The following GRTP1 variants were observed in gnomAD, a reference collection of about 807,000 sequenced individuals.
The protein encoded by GRTP1 is growth hormone-regulated TBC protein 1.
In GRTP1, 56 loss-of-function variants were observed where a neutral mutation model predicts 38.1. That is an observed-to-expected ratio of 1.47 (90% CI 1.19 to 1.84). The LOEUF is 1.84. Ranked by LOEUF, GRTP1 falls within the 40% of genes most tolerant of loss-of-function variation. The pLI is 0.00. For synonymous variants in GRTP1, 217 were observed against 189.5 expected (o/e 1.14, Z -1.19); for missense variants, 506 against 453.9 (o/e 1.11, Z -1.04).
At chr13:113,360,689 A>T (rs2043479225) in intron 2 of GRTP1, among the ~76,000 whole-genome samples, 1 of 152,210 alleles carries the variant, frequency 6.6e-6, no homozygotes. Context: ...CTCCCTGCAG[A>T]ACAGGCCCAC....
intron 5 of GRTP1, among the ~76,000 whole-genome samples, chr13:113,340,753 C>T (rs1198627851): frequency 1.3e-5 from 2 of 152,056 alleles, no homozygotes; most frequent in Non-Finnish European, 2.9e-5. Context: ...GCACTCCAGC[C>T]TGGGCGACAG....
intron 5 of GRTP1, 87 bp from the exon 6 acceptor site, chr13:113,326,178 G>C: frequency 6.6e-7 from 1 of 1,514,760 alleles, no homozygotes; most frequent in Non-Finnish European, 8.9e-7. Flanking sequence ...AAAGACAACA[G>C]GGCCACCCTG....
chr13:113,358,489 T>C (rs768471325), intron 2 of GRTP1, among the ~76,000 whole-genome samples: 11 of 152,176 alleles, frequency 7.2e-5, no homozygotes, highest in Non-Finnish European at 1.2e-4. Context: ...CTAAACTTTA[T>C]ATGCAAAGCG....
intron 4 of GRTP1, among the ~76,000 whole-genome samples, chr13:113,345,911 G>A (rs1195324558): frequency 4.6e-5 from 7 of 152,182 alleles, no homozygotes; most frequent in African/African-American, 7.2e-5. Context: ...GGGAAGAACC[G>A]ACTGCTTCGA....
intron 5 of GRTP1, among the ~76,000 whole-genome samples, chr13:113,326,923 A>G (rs1191587500): frequency 6.6e-6 from 1 of 152,234 alleles, no homozygotes; most frequent in East Asian, 1.9e-4. Flanking sequence ...GTCTGGGAAG[A>G]TGAAACAGCT....
chr13:113,351,065 A>T, intron 3 of GRTP1, 92 bp from the exon 4 acceptor site: 1 of 1,547,942 alleles, frequency 6.5e-7, no homozygotes, highest in Non-Finnish European at 8.9e-7. Flanking sequence ...CCTGGGTTCC[A>T]CTTGGGACTT....
At chr13:113,326,175 A>T (rs2042765674) in intron 5 of GRTP1, 84 bp from the exon 6 acceptor site, 1 of 1,523,330 alleles carries the variant, frequency 6.6e-7, no homozygotes, top group African/African-American at 1.4e-5. Context: ...GACAAAGACA[A>T]CAGGGCCACC....
At chr13:113,329,672 G>A (rs183193670) in intron 5 of GRTP1, among the ~76,000 whole-genome samples, 21 of 152,326 alleles carry the variant, frequency 1.4e-4, no homozygotes, top group East Asian at 1.3e-3. Context: ...GATGGGATGC[G>A]GGACTACATA....
At chr13:113,346,104 G>GGGAGGACCTCTGTGGCAA (rs2043111685) in intron 4 of GRTP1, among the ~76,000 whole-genome samples, 7 of 80,612 alleles carry the variant, frequency 8.7e-5, no homozygotes, top group African/African-American at 3.6e-4. Context: ...ATCTGTGGCC[G>GGGAGGACCTCTGTGGCAA]AGAACAGACC....
chr13:113,361,975 C>T (rs2043507634), intron 2 of GRTP1: 2 of 151,992 alleles, frequency 1.3e-5, no homozygotes, highest in African/African-American at 4.8e-5. Context: ...ATGGTAAAAC[C>T]CATCTCTACT....
intron 3 of GRTP1, among the ~76,000 whole-genome samples, chr13:113,353,345 G>A (rs760522089): frequency 2.6e-5 from 4 of 152,388 alleles, no homozygotes; most frequent in Non-Finnish European, 4.4e-5. Context: ...ACAGCCGTGC[G>A]GCAGGAGAGC....
intron 5 of GRTP1, among the ~76,000 whole-genome samples, chr13:113,331,754 A>G (rs2042874441): frequency 6.8e-6 from 1 of 147,486 alleles, no homozygotes; most frequent in Admixed American, 6.8e-5. Context: ...CTCCCAGGTT[A>G]AAGCGATTCT....
chr13:113,355,462 T>C lies in GRTP1; in HGVS notation c.201A>G (p.Lys67=). Residue 67 remains lysine (K), a synonymous_variant, in exon 3 of 8, where the codon AAA becomes AAG. Coordinates refer to ENST00000375431, the MANE Select transcript of GRTP1 (RefSeq NM_024719.4). The part of the protein sequence containing the change: ...RSRTVKRYVR[K]GVPLEHRARV... Reference sequence around the variant, plus strand: ...GGGCACGGTGCTCCAGCGGGACCCCTTTCCGGACATAGCGCTTCACTGAAG... The same window carrying C: ...GGGCACGGTGCTCCAGCGGGACCCCCTTCCGGACATAGCGCTTCACTGAAG... The C allele has an allele frequency of 6.2e-7, 1 of 1,612,698 alleles. No individual in the cohort carries two copies. The highest frequency in any genetic ancestry group is 2.2e-5 in the East Asian group (1 of 44,848).
intron 7 of GRTP1, 76 bp from the exon 8 acceptor site, chr13:113,324,653 G>A: frequency 6.5e-7 from 1 of 1,526,802 alleles, no homozygotes; most frequent in African/African-American, 1.4e-5. Flanking sequence ...CTGGCAGGCA[G>A]GCAGACAGGC....
chr13:113,329,122 T>G (rs553132743), intron 5 of GRTP1, among the ~76,000 whole-genome samples: 117 of 152,348 alleles, frequency 7.7e-4, no homozygotes, highest in South Asian at 3.9e-3. Flanking sequence ...TTCTCACTCA[T>G]TATTCAGTCT....
chr13:113,336,329 T>G (rs2042954441), intron 5 of GRTP1, among the ~76,000 whole-genome samples: 1 of 148,060 alleles, frequency 6.8e-6, no homozygotes. Flanking sequence ...GCAAAATAGG[T>G]ACTGTAAAAT....
intron 5 of GRTP1, among the ~76,000 whole-genome samples, chr13:113,337,578 G>C (rs1281658826): frequency 6.6e-6 from 1 of 152,242 alleles, no homozygotes; most frequent in Non-Finnish European, 1.5e-5. Context: ...TGTACAGCGT[G>C]CTTTCTGCGC....
At chr13:113,325,065 G>C (rs1248598800) in intron 7 of GRTP1, 2 of 942,288 alleles carry the variant, frequency 2.1e-6, no homozygotes, top group African/African-American at 3.5e-5. Flanking sequence ...CCTGACCTCA[G>C]GTGATCCACA....
At chr13:113,325,191 G>T in intron 7 of GRTP1, 2 of 1,087,346 alleles carry the variant, frequency 1.8e-6, no homozygotes, top group Non-Finnish European at 1.1e-6. Flanking sequence ...TTGCCATGCT[G>T]CACCCAGAGT....
Sources: gnomAD v4.1 joint callset for allele counts (sites outside exome capture counted in the v4.1 genomes callset) on GRCh38, gnomAD v4.1.1 for gene constraint, MANE v1.5 for transcripts, NCBI Gene and HGNC (gene_info 2026-07-23, HGNC 2026-07-21) for gene names.